TSNARE1: variants seen among roughly 807,000 people sequenced by gnomAD.
TSNARE1 encodes the protein t-SNARE domain-containing protein 1.
TSNARE1 carries 49 observed loss-of-function variants against 62.0 expected under a neutral mutation model. The ratio of observed to expected loss-of-function variants is 0.79; its 90% CI spans 0.63 to 1.00. The LOEUF (loss-of-function observed/expected upper bound fraction) is 1.00, where lower values mean the gene tolerates loss of function less well. Among genes scored for constraint, TSNARE1 ranks in the 50% least tolerant of loss-of-function variants. The pLI is 0.00. For missense variants in TSNARE1, 755 were observed against 700.1 expected (o/e 1.08, Z -0.88); for synonymous variants, 328 against 294.4 (o/e 1.11, Z -1.17).
intron 5 of TSNARE1, among the ~76,000 whole-genome samples, 175 bp downstream of exon 5, chr8:142,331,579 G>A (rs1831041183): frequency 6.6e-6 from 1 of 152,180 alleles, no homozygotes; most frequent in African/African-American, 2.4e-5. Context: ...GCCTGACGGG[G>A]GAAGCCATCC....
chr8:142,386,765 T>TA, intron 1 of TSNARE1, among the ~76,000 whole-genome samples: 1 of 152,254 alleles, frequency 6.6e-6, no homozygotes. Flanking sequence ...CACTTGAGAA[T>TA]AAAAATGTAA....
rs1168616068 is a variant in TSNARE1, at chr8:142,315,054, CCGGTCCAGCTGAGGA to C, written c.1008_1022del (p.Pro337_Arg341del). On this transcript the variant is annotated inframe_deletion, in exon 8 of 14. Coordinates refer to ENST00000524325, the MANE Select transcript of TSNARE1 (RefSeq NM_145003.5). ...TGGCATCTGAGAGCTGGGTTTTCAG[CCGGTCCAGCTGAGGA>C]CGCTCCTGCTGCAGACGCTCCTGCT... is the stretch of plus-strand genomic sequence containing the variant. 3 of 1,614,152 alleles carry C rather than the reference CCGGTCCAGCTGAGGA, an allele frequency of 1.9e-6. No homozygotes were observed. Among genetic ancestry groups the C allele is most frequent in the Non-Finnish European group, 2.5e-6 (3 of 1,180,022 alleles).
intron 12 of TSNARE1, among the ~76,000 whole-genome samples, chr8:142,231,134 C>T (rs535014767): frequency 1.8e-4 from 28 of 152,212 alleles, no homozygotes; most frequent in Non-Finnish European, 3.5e-4. Flanking sequence ...CAGCCCCCAG[C>T]TCAGCTCCCT....
At chr8:142,278,248 G>A (rs1820821763) in intron 11 of TSNARE1, 1 of 985,438 alleles carries the variant, frequency 1.0e-6, no homozygotes. Context: ...AACCAGTCCG[G>A]CCCACTCTGC....
intron 12 of TSNARE1, chr8:142,273,143 G>A: frequency 1.0e-6 from 1 of 985,404 alleles, no homozygotes; most frequent in Non-Finnish European, 1.2e-6. Flanking sequence ...GGCGTCCATG[G>A]CACAGGTGGC....
At chr8:142,295,779 G>A (rs1393688832) in intron 10 of TSNARE1, among the ~76,000 whole-genome samples, 3 of 151,890 alleles carry the variant, frequency 2.0e-5, no homozygotes, top group African/African-American at 7.3e-5. Flanking sequence ...GACTCAGGCT[G>A]GGAATGCTCT....
chr8:142,290,912 G>A (rs62513101), intron 10 of TSNARE1, among the ~76,000 whole-genome samples: 2,379 of 152,312 alleles, frequency 0.016, 33 homozygotes, highest in Non-Finnish European at 0.024. Context: ...CAGGTGAGAT[G>A]GGCTTGGCGA....
At chr8:142,282,902 G>A (rs528768614) in intron 11 of TSNARE1, among the ~76,000 whole-genome samples, 367 of 146,392 alleles carry the variant, frequency 2.5e-3, no homozygotes, top group Middle Eastern at 0.019. Context: ...GCAGAGGCGG[G>A]GCCAGTGTCT....
chr8:142,400,114 C>T (rs1211274115), intron 1 of TSNARE1, among the ~76,000 whole-genome samples: 1 of 151,080 alleles, frequency 6.6e-6, no homozygotes, highest in Non-Finnish European at 1.5e-5. Flanking sequence ...GCAGGTTGAT[C>T]ACCTGAAGGT....
In TSNARE1 at chr8:142,329,893, G is replaced by A. The variant is rs145720805; in HGVS notation, c.893+1008C>T. The stretch of plus-strand genomic sequence containing the variant: ...CCTGAACATCTGCAAAGGGTGCTCC[G>A]CAGCTGGTGCGTGAGGCTGTGTGGC... On this transcript the variant is annotated intron_variant, in intron 6 of 13. Coordinates refer to ENST00000524325, the MANE Select transcript of TSNARE1 (RefSeq NM_145003.5). Among the ~76,000 whole-genome samples the A allele has an allele frequency of 4.9e-4, 74 of 152,372 alleles. 3 individuals carry two copies. The highest frequency in any genetic ancestry group is 1.5e-3 in the African/African-American group (61 of 41,594).
intron 11 of TSNARE1, chr8:142,276,050 C>A (rs1297432733): frequency 1.0e-6 from 1 of 985,334 alleles, no homozygotes; most frequent in Non-Finnish European, 1.2e-6. Context: ...CCTTGGTCAC[C>A]AGCTCCACCC....
chr8:142,272,725 G>A, intron 12 of TSNARE1: 9 of 960,598 alleles, frequency 9.4e-6, no homozygotes, highest in Non-Finnish European at 9.8e-6. Context: ...GACACACCGT[G>A]GGGAGGGCCC....
At chr8:142,232,905 A>G (rs4976978) in intron 12 of TSNARE1, among the ~76,000 whole-genome samples, 83,420 of 152,056 alleles carry the variant, frequency 0.55, 24,334 homozygotes, top group African/African-American at 0.74. Context: ...GCCCAGCAAC[A>G]TCCCTGGAAG....
Position 142,319,998 on chromosome 8 carries a change from C to T in TSNARE1, c.894-1364G>A, listed in dbSNP as rs1351031558. 1.3e-5 allele frequency among the ~76,000 whole-genome samples: 2 copies of T among 152,140 alleles called. No individual in the cohort carries two copies. The highest frequency in any genetic ancestry group is 2.4e-5 in the African/African-American group (1 of 41,432). On this transcript the variant is annotated intron_variant, in intron 6 of 13. Transcript: ENST00000524325. The surrounding 1 kb of genome is among the most constrained non-coding windows in gnomAD (Gnocchi z 4.9). ...CAGCTCCCAAACACGCCTCTTCGGC[C>T]AACCACTGGCTTAACACTGTGAGAA...
intron 7 of TSNARE1, among the ~76,000 whole-genome samples, chr8:142,317,756 G>C (rs1313585978): frequency 1.3e-5 from 2 of 152,092 alleles, no homozygotes; most frequent in Non-Finnish European, 2.9e-5. Flanking sequence ...CCGGGAGTTT[G>C]AGACCAGCCT....
intron 1 of TSNARE1, among the ~76,000 whole-genome samples, chr8:142,382,306 C>T (rs894503674): frequency 2.6e-5 from 4 of 152,176 alleles, no homozygotes; most frequent in East Asian, 1.9e-4. Flanking sequence ...CCAGAATCAG[C>T]GGTGGAGAAG....
intron 1 of TSNARE1, among the ~76,000 whole-genome samples, chr8:142,357,060 G>A (rs998233325): frequency 1.3e-5 from 2 of 152,062 alleles, no homozygotes; most frequent in African/African-American, 4.8e-5. Context: ...ACCAGAGCAC[G>A]AAGACACCGC....
At chr8:142,367,213 C>A (rs571748321) in intron 1 of TSNARE1, among the ~76,000 whole-genome samples, 2 of 152,274 alleles carry the variant, frequency 1.3e-5, no homozygotes, top group East Asian at 3.9e-4. Context: ...TACCATCATG[C>A]GTTTTTATGG....
At chr8:142,387,867 G>A (rs1837213712) in intron 1 of TSNARE1, among the ~76,000 whole-genome samples, 1 of 152,104 alleles carries the variant, frequency 6.6e-6, no homozygotes, top group African/African-American at 2.4e-5. Flanking sequence ...AACTATTCCA[G>A]AGAATGGCAT....
Sources: gnomAD v4.1 joint callset for allele counts (sites outside exome capture counted in the v4.1 genomes callset) on GRCh38, gnomAD v4.1.1 for gene constraint, Gnocchi (gnomAD v3.1) non-coding constraint, MANE v1.5 for transcripts, NCBI Gene and HGNC (gene_info 2026-07-23, HGNC 2026-07-21) for gene names.